The following CYB5B variants were observed in gnomAD, a reference collection of about 807,000 sequenced individuals.
CYB5B encodes the protein cytochrome b5 type B, also known as cytochrome b5 type B (outer mitochondrial membrane).
A neutral mutation model predicts 21.3 loss-of-function variants in CYB5B; 14 were observed. That is an observed-to-expected ratio of 0.66 (90% CI 0.43 to 1.03). The LOEUF (loss-of-function observed/expected upper bound fraction) is 1.03. Ranked by LOEUF, CYB5B falls within the 50% of genes least tolerant of loss-of-function variation. CYB5B has a pLI of 0.00. For missense variants in CYB5B, 166 were observed against 185.1 expected, an observed-to-expected ratio of 0.90 and a Z score of 0.60; for synonymous variants, 69 against 68.4, an observed-to-expected ratio of 1.01 and a Z score of -0.04.
intron 3 of CYB5B, among the ~76,000 whole-genome samples, chr16:69,456,184 G>A (rs2014982569): frequency 6.6e-6 from 1 of 151,964 alleles, no homozygotes; most frequent in Non-Finnish European, 1.5e-5. Flanking sequence ...CTGTCCTCCA[G>A]GCTGGAGTAC....
At chr16:69,442,967 G>C (rs1003399292) in intron 1 of CYB5B, among the ~76,000 whole-genome samples, 1 of 148,458 alleles carries the variant, frequency 6.7e-6, no homozygotes, top group East Asian at 2.0e-4. Context: ...AATTTTTTTT[G>C]TGACAGAGCT....
chr16:69,447,992 A>T, intron 2 of CYB5B, 123 bp from the exon 3 acceptor site: 1 of 1,007,214 alleles, frequency 9.9e-7, no homozygotes, highest in Non-Finnish European at 1.5e-6. Flanking sequence ...TGGATCCTCA[A>T]ATCTCCCAGG....
chr16:69,449,872 T>C (rs778029848), intron 3 of CYB5B: 6 of 152,196 alleles, frequency 3.9e-5, no homozygotes, highest in Admixed American at 2.6e-4. Context: ...GTGGTAAGCA[T>C]TGTCTGCCTT....
intron 4 of CYB5B, among the ~76,000 whole-genome samples, chr16:69,461,121 C>T (rs922866428): frequency 2.6e-5 from 4 of 151,594 alleles, no homozygotes; most frequent in African/African-American, 9.7e-5. Flanking sequence ...AGAAGAATGG[C>T]GTGAACCCCA....
chr16:69,439,873 ATTTG>A (rs2014801558), intron 1 of CYB5B, among the ~76,000 whole-genome samples: 1 of 151,180 alleles, frequency 6.6e-6, no homozygotes, highest in South Asian at 2.1e-4. Context: ...CATCTTAAAC[ATTTG>A]TTTGTTTTAA....
chr16:69,444,495 T>G (rs912443141), intron 1 of CYB5B, among the ~76,000 whole-genome samples: 3 of 152,140 alleles, frequency 2.0e-5, no homozygotes, highest in Non-Finnish European at 4.4e-5. Context: ...CTGCATCCAT[T>G]TGATTTTCGC....
At chr16:69,448,205 T>C (rs764797253) in intron 3 of CYB5B, 61 bp downstream of exon 3, 3 of 1,557,822 alleles carry the variant, frequency 1.9e-6, no homozygotes, top group Non-Finnish European at 2.6e-6. Flanking sequence ...GGACTGCTTT[T>C]TGAAACATTT....
intron 4 of CYB5B, 174 bp downstream of exon 4, chr16:69,459,295 C>A: frequency 1.3e-6 from 1 of 787,680 alleles, no homozygotes; most frequent in Non-Finnish European, 1.9e-6. Flanking sequence ...TTAACTTTTA[C>A]AGTTTCAGCC....
chr16:69,440,427 G>A (rs976650020), intron 1 of CYB5B, among the ~76,000 whole-genome samples: 1 of 152,170 alleles, frequency 6.6e-6, no homozygotes, highest in African/African-American at 2.4e-5. Context: ...GAACACACTT[G>A]TATAACCACC....
intron 1 of CYB5B, among the ~76,000 whole-genome samples, chr16:69,445,349 T>C (rs1294462286): frequency 3.3e-5 from 5 of 152,218 alleles, no homozygotes; most frequent in Non-Finnish European, 7.3e-5. Flanking sequence ...TTTTAGGAGA[T>C]AAAAATAGAA....
At position 69,459,081 on chromosome 16, in the gene CYB5B, T is replaced by TG. The variant is rs766558805; in HGVS notation, c.334-12_334-11insG. On this transcript the variant is annotated splice_polypyrimidine_tract_variant and intron_variant, in intron 3 of 4. Transcript: ENST00000307892. ...TTTGTTATTTTTGAATTTTTTTTTT[T>TG]TTTTATTTCAGGACCCTTCAAAAAA... The TG allele has an allele frequency of 1.3e-6, 2 of 1,586,860 alleles. No homozygotes were observed. The highest frequency in any genetic ancestry group is 2.4e-5 in the South Asian group (2 of 84,982).
chr16:69,456,871 A>G (rs989005855), intron 3 of CYB5B, among the ~76,000 whole-genome samples: 5 of 152,270 alleles, frequency 3.3e-5, no homozygotes, highest in East Asian at 1.9e-4. Flanking sequence ...TTTATTTCCA[A>G]ATTTGGCTGA....
intron 3 of CYB5B, among the ~76,000 whole-genome samples, chr16:69,450,453 A>G (rs761754876): frequency 2.0e-5 from 3 of 152,132 alleles, no homozygotes; most frequent in Non-Finnish European, 2.9e-5. Context: ...GAGTCTGGCT[A>G]TTGTGTTTCT....
intron 4 of CYB5B, among the ~76,000 whole-genome samples, chr16:69,461,078 C>T (rs529557882): frequency 4.9e-4 from 74 of 152,084 alleles, no homozygotes; most frequent in African/African-American, 1.7e-3. Context: ...ACTGGGAGGC[C>T]GAGGTGGGTG....
At chr16:69,459,367 T>C in intron 4 of CYB5B, 1 of 443,638 alleles carries the variant, frequency 2.3e-6, no homozygotes, top group South Asian at 3.9e-5. Context: ...GTGACATAAA[T>C]TGGAATCACA....
intron 3 of CYB5B, among the ~76,000 whole-genome samples, chr16:69,451,961 A>AAAAAAAT (rs1404739932): frequency 3.3e-5 from 5 of 149,714 alleles, no homozygotes; most frequent in African/African-American, 1.2e-4. Flanking sequence ...AAAAAAAAAA[A>AAAAAAAT]AATTCCCTCG....
chr16:69,457,209 T>A (rs1201124938), intron 3 of CYB5B, among the ~76,000 whole-genome samples: 11 of 152,224 alleles, frequency 7.2e-5, no homozygotes. Context: ...CTTCAGTTGC[T>A]TATTACCTTT....
intron 3 of CYB5B, among the ~76,000 whole-genome samples, chr16:69,451,813 TGGCGGCG>T (rs890385996): frequency 6.6e-6 from 1 of 151,842 alleles, no homozygotes; most frequent in Non-Finnish European, 1.5e-5. Context: ...TAGCCGGCCG[TGGCGGCG>T]GGCAACTGTA....
intron 3 of CYB5B, chr16:69,448,397 C>T: frequency 2.2e-6 from 1 of 464,286 alleles, no homozygotes. Context: ...AAAGCTATGC[C>T]CTGTGTGGTT....
Sources: gnomAD v4.1 joint callset for allele counts (sites outside exome capture counted in the v4.1 genomes callset) on GRCh38, gnomAD v4.1.1 for gene constraint, MANE v1.5 for transcripts, NCBI Gene and HGNC (gene_info 2026-07-23, HGNC 2026-07-21) for gene names.